Variants in GCNT1 observed in about 807,000 individuals in gnomAD.
GCNT1 encodes the protein beta-1,3-galactosyl-O-glycosyl-glycoprotein beta-1,6-N-acetylglucosaminyltransferase.
In GCNT1, 16 loss-of-function variants were observed where a neutral mutation model predicts 26.2. The ratio of observed to expected loss-of-function variants is 0.61; its 90% CI spans 0.41 to 0.93. The LOEUF is 0.93. GCNT1 is among the 40% of genes least tolerant of loss of function. The pLI is 0.00. For missense variants in GCNT1, 477 were observed against 526.7 expected, an observed-to-expected ratio of 0.91 and a Z score of 0.92; for synonymous variants, 183 against 190.8, an observed-to-expected ratio of 0.96 and a Z score of 0.34.
chr9:76,411,305 G>A, the GCNT1 span, among the ~76,000 whole-genome samples: 1 of 151,356 alleles, frequency 6.6e-6, no homozygotes, highest in Admixed American at 6.6e-5. Context: ...CATTTTGGGG[G>A]TTTTTTTTGT....
At chr9:76,403,316 T>A in the GCNT1 span, among the ~76,000 whole-genome samples, 1 of 152,236 alleles carries the variant, frequency 6.6e-6, no homozygotes, top group South Asian at 2.1e-4. Flanking sequence ...TACTGTTCCT[T>A]GTGTATTTCC....
chr9:76,451,948 C>CTT (rs747978017), intron 1 of GCNT1, among the ~76,000 whole-genome samples: 55 of 98,400 alleles, frequency 5.6e-4, no homozygotes, highest in African/African-American at 1.3e-3. Context: ...TTCTTTCTTT[C>CTT]TTTTTTTTTT....
At chr9:76,430,804 C>T (rs562378619) in intron 1 of GCNT1, among the ~76,000 whole-genome samples, 3 of 152,250 alleles carry the variant, frequency 2.0e-5, no homozygotes, top group Non-Finnish European at 4.4e-5. Flanking sequence ...GTGCCTCAGG[C>T]CCCTGAGTAG....
intron 1 of GCNT1, among the ~76,000 whole-genome samples, chr9:76,443,902 G>GAAAGAAAGAAAGAAAGAAAGAAAGAAAGA (rs1564225796): frequency 1.6e-5 from 1 of 64,500 alleles, no homozygotes; most frequent in African/African-American, 6.2e-5. Flanking sequence ...AGAAAGAAAG[G>GAAAGAAAGAAAGAAAGAAAGAAAGAAAGA]AAGAAAGGAA....
intron 1 of GCNT1, among the ~76,000 whole-genome samples, chr9:76,421,612 A>AAC (rs1554730039): frequency 1.1e-4 from 16 of 144,356 alleles, no homozygotes; most frequent in Middle Eastern, 3.6e-3. Flanking sequence ...AAAAAAAAAA[A>AAC]AAAAAAAAAA....
chr9:76,415,798 A>T (rs990057666), upstream of GCNT1, among the ~76,000 whole-genome samples: 5 of 152,210 alleles, frequency 3.3e-5, no homozygotes, highest in Admixed American at 2.0e-4. Flanking sequence ...CAGAAAACAC[A>T]AGAAAAACCC....
At chr9:76,412,552 G>A in the GCNT1 span, among the ~76,000 whole-genome samples, 2 of 152,140 alleles carry the variant, frequency 1.3e-5, no homozygotes, top group Admixed American at 1.3e-4. Context: ...CTAGTTGGGA[G>A]TTTTTTTCTC....
rs1027609652 is a variant in GCNT1 at position 76,505,247 on chromosome 9, A to C, written c.*1579A>C. 4 of 279,582 alleles carry C rather than the reference A, an allele frequency of 1.4e-5. No individual in the cohort carries two copies. Among genetic ancestry groups the C allele is most frequent in the Non-Finnish European group, 2.8e-5 (4 of 142,202 alleles). 17.3% of individuals were successfully genotyped at this position (279,582 alleles called of 1,614,324 possible). ...TTCAACTGAGAAAACTTTATTTGTC[A>C]AAGTCAGAAAACATTTTCATCTTAT... On this transcript the variant is annotated 3_prime_UTR_variant, in exon 4 of 4. Coordinates refer to ENST00000376730, the MANE Select transcript of GCNT1 (RefSeq NM_001490.5).
chr9:76,443,260 C>T (rs748461486), intron 1 of GCNT1, among the ~76,000 whole-genome samples: 4 of 152,274 alleles, frequency 2.6e-5, no homozygotes, highest in South Asian at 4.1e-4. Flanking sequence ...GACACACACA[C>T]AGAAATATAG....
intron 2 of GCNT1, among the ~76,000 whole-genome samples, chr9:76,495,033 C>T (rs1253282978): frequency 1.3e-5 from 2 of 152,108 alleles, no homozygotes; most frequent in Non-Finnish European, 2.9e-5. Flanking sequence ...GTCCGGCAGC[C>T]GCACTAGTCG....
intron 1 of GCNT1, among the ~76,000 whole-genome samples, chr9:76,428,888 C>T (rs566579480): frequency 2.8e-4 from 43 of 152,046 alleles, no homozygotes; most frequent in African/African-American, 9.6e-4. Flanking sequence ...TTAGTAGAGA[C>T]GAGGTTTCTC....
intron 2 of GCNT1, among the ~76,000 whole-genome samples, chr9:76,485,029 C>T (rs1024384104): frequency 3.3e-5 from 5 of 152,124 alleles, no homozygotes; most frequent in South Asian, 2.1e-4. Flanking sequence ...CCTCATGATC[C>T]GCCCACCTTG....
the GCNT1 span, among the ~76,000 whole-genome samples, chr9:76,407,862 A>G: frequency 2.0e-5 from 3 of 152,140 alleles, no homozygotes; most frequent in African/African-American, 7.2e-5. Flanking sequence ...TAAGTATTCC[A>G]TATTTTGGGG....
At chr9:76,437,455 G>C (rs1014426034), upstream of GCNT1, among the ~76,000 whole-genome samples, 2 of 152,162 alleles carry the variant, frequency 1.3e-5, no homozygotes, top group African/African-American at 4.8e-5. Context: ...CCATGGCAAC[G>C]TCAGGAAGTT....
chr9:76,446,599 A>G (rs1353266946), intron 1 of GCNT1, among the ~76,000 whole-genome samples: 1 of 152,200 alleles, frequency 6.6e-6, no homozygotes, highest in African/African-American at 2.4e-5. Flanking sequence ...TGTTTTATAT[A>G]TGTGTGAAGA....
At chr9:76,464,365 C>T (rs921545470) in intron 2 of GCNT1, among the ~76,000 whole-genome samples, 7 of 151,884 alleles carry the variant, frequency 4.6e-5, no homozygotes, top group South Asian at 4.2e-4. Flanking sequence ...TACAGGCACA[C>T]GCCACTATGC....
At chr9:76,447,253 C>G (rs1236022413) in intron 1 of GCNT1, among the ~76,000 whole-genome samples, 1 of 90,156 alleles carries the variant, frequency 1.1e-5, no homozygotes, top group Admixed American at 1.1e-4. Context: ...TCTTCTTTTT[C>G]TTTTTTGGAG....
At chr9:76,452,616 G>A (rs1235508406) in intron 1 of GCNT1, among the ~76,000 whole-genome samples, 1 of 152,060 alleles carries the variant, frequency 6.6e-6, no homozygotes, top group Non-Finnish European at 1.5e-5. Context: ...AGGCAGGGAG[G>A]AGGTGCCACA....
the GCNT1 span, among the ~76,000 whole-genome samples, chr9:76,407,975 T>A: frequency 6.6e-6 from 1 of 152,234 alleles, no homozygotes; most frequent in Admixed American, 6.5e-5. Context: ...TAATCTTGTA[T>A]CCTGCAACCT....
Sources: allele counts gnomAD v4.1 joint callset (sites outside exome capture counted in the v4.1 genomes callset), GRCh38; gene constraint gnomAD v4.1.1; transcripts MANE v1.5; gene names NCBI Gene and HGNC (gene_info 2026-07-23, HGNC 2026-07-21).